The following ZCCHC17 variants were observed in gnomAD, a reference collection of about 807,000 sequenced individuals.
ZCCHC17 encodes the protein zinc finger CCHC domain-containing protein 17.
A neutral mutation model predicts 30.6 loss-of-function variants in ZCCHC17; 18 were observed. The observed-to-expected ratio is 0.59, with a 90% CI of 0.41 to 0.87. The LOEUF (loss-of-function observed/expected upper bound fraction) is 0.87. ZCCHC17 is among the 40% of genes least tolerant of loss of function. ZCCHC17 has a pLI of 0.00. For synonymous variants in ZCCHC17, 88 were observed against 92.4 expected (o/e 0.95, Z 0.27); for missense variants, 263 against 284.2 (o/e 0.93, Z 0.54).
At chr1:31,333,387 G>A (rs536192223) in intron 3 of ZCCHC17, among the ~76,000 whole-genome samples, 2 of 152,218 alleles carry the variant, frequency 1.3e-5, no homozygotes, top group East Asian at 3.9e-4. Context: ...GCCGGGCGTG[G>A]TGGCAGGCAC....
chr1:31,348,926 G>A lies in ZCCHC17; in HGVS notation c.516G>A (p.Glu172=), dbSNP rs576651094. The A allele has an allele frequency of 6.2e-7, 1 of 1,611,948 alleles. No homozygotes were observed. The highest frequency in any genetic ancestry group is 1.3e-5 in the African/African-American group (1 of 74,864). The change falls in exon 7 of 8, where the codon GAG becomes GAA. Residue 172 remains glutamate (E), a synonymous_variant. Transcript: ENST00000344147. ...AAAAGGAAGAGGCAAAGTCAGCAGA[G>A]TTTGAGAAGCCTGACCCTACAAGGA... ...EEEKEEAKSA[E]FEKPDPTRNP... is the part of the protein sequence containing the mutation.
intron 7 of ZCCHC17, among the ~76,000 whole-genome samples, chr1:31,360,736 GA>G (rs1432171060): frequency 6.6e-6 from 1 of 152,148 alleles, no homozygotes; most frequent in Admixed American, 6.5e-5. Flanking sequence ...GAACAAAGTG[GA>G]AATAGTGCCA....
At position 31,361,353 on chromosome 1, in the gene ZCCHC17, A is replaced by T. The variant is rs1295794534; in HGVS notation, c.565-2679A>T. On this transcript the variant is annotated intron_variant, in intron 7 of 7. Coordinates refer to ENST00000344147, the MANE Select transcript of ZCCHC17 (RefSeq NM_016505.4). The stretch of plus-strand genomic sequence containing the variant: ...GAGTTAATGAGAGAAAAATACATAT[A>T]GCTCCCACTAAGTGCCTATAATGTG... Among the ~76,000 whole-genome samples the T allele has an allele frequency of 5.3e-5, 8 of 152,222 alleles. No individual in the cohort carries two copies. The East Asian group carries it at 1.5e-3, about 29-fold the overall frequency.
chr1:31,297,733 G>A (rs182794903), intron 1 of ZCCHC17, among the ~76,000 whole-genome samples: 60 of 152,320 alleles, frequency 3.9e-4, no homozygotes, highest in Non-Finnish European at 7.6e-4. Context: ...AAGCAGGAAG[G>A]TTTTTCAGAG....
rs983992973 is a variant in ZCCHC17 at position 31,349,053 on chromosome 1, T to C, written c.564+79T>C. The C allele has an allele frequency of 2.7e-6, 4 of 1,469,682 alleles. No individual in the cohort carries two copies. The African/African-American group carries it at 5.7e-5, about 21-fold the overall frequency. 91.0% of individuals were successfully genotyped at this position (1,469,682 alleles called of 1,614,324 possible). A position where few individuals can be genotyped will look rare whatever the true frequency, so the allele number is the denominator to read the frequency against. ...AAATCTGAAAAGCCTCATGCAGCAGTACACACCTGTAGTCCCAGCTACTTG... is the reference window on the plus strand; with the variant it reads ...AAATCTGAAAAGCCTCATGCAGCAGCACACACCTGTAGTCCCAGCTACTTG... On this transcript the variant is annotated intron_variant, in intron 7 of 7. Coordinates refer to ENST00000344147, the MANE Select transcript of ZCCHC17 (RefSeq NM_016505.4).
chr1:31,344,783 T>C (rs558825938), intron 5 of ZCCHC17, among the ~76,000 whole-genome samples: 2 of 152,282 alleles, frequency 1.3e-5, no homozygotes, highest in African/African-American at 4.8e-5. Context: ...TACAAATAGA[T>C]AGGTGAAAGC....
chr1:31,349,392 A>G (rs930049391), intron 7 of ZCCHC17, among the ~76,000 whole-genome samples: 1 of 152,132 alleles, frequency 6.6e-6, no homozygotes, highest in Non-Finnish European at 1.5e-5. Flanking sequence ...TTGCAGTGGT[A>G]TGATCTTGGC....
chr1:31,338,044 A>T (rs1359465385), intron 4 of ZCCHC17, among the ~76,000 whole-genome samples: 1 of 151,434 alleles, frequency 6.6e-6, no homozygotes, highest in Non-Finnish European at 1.5e-5. Flanking sequence ...ATCACGGCTC[A>T]CTGCAACCTC....
chr1:31,325,763 G>A (rs1638315031), intron 3 of ZCCHC17, among the ~76,000 whole-genome samples: 1 of 152,212 alleles, frequency 6.6e-6, no homozygotes, highest in African/African-American at 2.4e-5. Context: ...CAGGCCAAGT[G>A]GGCAGAACGA....
At chr1:31,309,296 T>G (rs1397653344) in intron 1 of ZCCHC17, among the ~76,000 whole-genome samples, 1 of 152,142 alleles carries the variant, frequency 6.6e-6, no homozygotes, top group Non-Finnish European at 1.5e-5. Flanking sequence ...GTAATAGAAC[T>G]TACATTTTAA....
intron 6 of ZCCHC17, among the ~76,000 whole-genome samples, chr1:31,347,737 G>GTAGC (rs1194506345): frequency 6.6e-6 from 1 of 152,116 alleles, no homozygotes; most frequent in Non-Finnish European, 1.5e-5. Flanking sequence ...AGCCTCCTGA[G>GTAGC]TAGCTGGGAC....
chr1:31,318,202 A>C, intron 2 of ZCCHC17: 1 of 1,535,422 alleles, frequency 6.5e-7, no homozygotes, highest in South Asian at 1.2e-5. Context: ...AAGATGAAGC[A>C]GCTAATTGAA....
chr1:31,347,177 A>AT (rs1639306809), intron 6 of ZCCHC17, among the ~76,000 whole-genome samples: 1 of 152,234 alleles, frequency 6.6e-6, no homozygotes, highest in South Asian at 2.1e-4. Flanking sequence ...TCTGAATACA[A>AT]TATCTTTTTA....
At chr1:31,361,667 A>G (rs184917243) in intron 7 of ZCCHC17, among the ~76,000 whole-genome samples, 1 of 152,146 alleles carries the variant, frequency 6.6e-6, no homozygotes, top group East Asian at 2.0e-4. Flanking sequence ...CATATGATCT[A>G]CATGAAGATC....
chr1:31,357,387 T>G (rs563075204), intron 7 of ZCCHC17, among the ~76,000 whole-genome samples: 127 of 152,304 alleles, frequency 8.3e-4, no homozygotes, highest in African/African-American at 3.0e-3. Flanking sequence ...TAAGTTCCTT[T>G]AAGACTCTTC....
Position 31,297,094 on chromosome 1 carries a change from G to A in ZCCHC17, c.-56+19G>A. 1 of 419,648 alleles carries A rather than the reference G, an allele frequency of 2.4e-6. No individual in the cohort carries two copies. Among genetic ancestry groups the A allele is most frequent in the Non-Finnish European group, 4.2e-6 (1 of 236,796 alleles). The allele number at this position is 419,648 out of a possible 1,614,324, so 26.0% of individuals were successfully genotyped here. A position where few individuals can be genotyped will look rare whatever the true frequency, so the allele number is the denominator to read the frequency against. On this transcript the variant is annotated intron_variant, in intron 1 of 7. Coordinates refer to ENST00000344147, the MANE Select transcript of ZCCHC17 (RefSeq NM_016505.4). ...ACGCCTAGTACGTATGAGGAAGAAC[G>A]GGGTGGGTGGCTGCCTGAGTCTGGA... is the stretch of plus-strand genomic sequence containing the variant.
intron 6 of ZCCHC17, among the ~76,000 whole-genome samples, chr1:31,348,589 C>T (rs1401966618): frequency 2.0e-5 from 3 of 152,208 alleles, no homozygotes; most frequent in Admixed American, 6.5e-5. Context: ...TTTGCCATTT[C>T]GAGAACAGTA....
At chr1:31,299,327 GA>G (rs139719164) in intron 1 of ZCCHC17, among the ~76,000 whole-genome samples, 9,539 of 151,166 alleles carry the variant, frequency 0.063, 569 homozygotes, top group South Asian at 0.21. Context: ...AGGATGCAAG[GA>G]AAAAAAAAAT....
chr1:31,351,115 A>C (rs1197451221), intron 7 of ZCCHC17, among the ~76,000 whole-genome samples: 1 of 151,822 alleles, frequency 6.6e-6, no homozygotes, highest in Non-Finnish European at 1.5e-5. Flanking sequence ...TACCACCAAA[A>C]CCCTTGTTTC....
Sources: gnomAD v4.1 joint callset for allele counts (sites outside exome capture counted in the v4.1 genomes callset) on GRCh38, gnomAD v4.1.1 for gene constraint, MANE v1.5 for transcripts, NCBI Gene and HGNC (gene_info 2026-07-23, HGNC 2026-07-21) for gene names.